Variants in SORL1 observed in about 807,000 individuals in gnomAD.
The protein encoded by SORL1 is sortilin-related receptor.
A neutral mutation model predicts 273.7 loss-of-function variants in SORL1; 127 were observed. The ratio of observed to expected loss-of-function variants is 0.46; its 90% CI spans 0.40 to 0.54. The LOEUF (loss-of-function observed/expected upper bound fraction) is 0.54. Ranked by LOEUF, SORL1 falls within the 20% of genes least tolerant of loss-of-function variation. The pLI, the probability that SORL1 is intolerant of heterozygous loss-of-function variation, is 0.00. For missense variants in SORL1, 2,494 were observed against 2,846.1 expected, an observed-to-expected ratio of 0.88 and a Z score of 2.81; for synonymous variants, 1,031 against 1,067.4, an observed-to-expected ratio of 0.97 and a Z score of 0.66.
rs139772085 is a variant in SORL1 at position 121,476,323 on chromosome 11, C to T, written c.403-1795C>T. 1.5e-3 allele frequency among the ~76,000 whole-genome samples: 234 copies of T among 152,276 alleles called. 3 individuals carry two copies. The highest frequency in any genetic ancestry group is 5.5e-3 in the African/African-American group (229 of 41,544). On this transcript the variant is annotated intron_variant, in intron 2 of 47. Transcript: ENST00000260197. ...TTCTGAAGCTGCTTTTGTGGCAGCT[C>T]CTTACTGTGTATCTGGTAGTTGGGA... is the stretch of plus-strand genomic sequence containing the variant.
intron 25 of SORL1, among the ~76,000 whole-genome samples, chr11:121,579,687 C>T (rs1388403244): frequency 2.0e-5 from 3 of 152,194 alleles, no homozygotes; most frequent in Admixed American, 6.5e-5. Context: ...GTATTTTAAA[C>T]ACTAAATATT....
In SORL1 at chr11:121,542,657, A is replaced by G. The variant is rs191526097; in HGVS notation, c.1686-891A>G. Among the ~76,000 whole-genome samples the G allele has an allele frequency of 3.9e-3, 592 of 152,036 alleles. 26 individuals carry two copies. Among genetic ancestry groups the G allele is most frequent in the Non-Finnish European group, 4.7e-4 (32 of 67,970 alleles). ...CTCTCTGATCATTCATTGTAAGATT[A>G]TGTTTTGTAAAATTTTATTTCCCCA... is the stretch of plus-strand genomic sequence containing the variant. On this transcript the variant is annotated intron_variant, in intron 12 of 47. Coordinates refer to ENST00000260197, the MANE Select transcript of SORL1 (RefSeq NM_003105.6).
rs1048515381 is a variant in SORL1 at position 121,631,646 on chromosome 11, A to G, written c.*2083A>G. The G allele has an allele frequency of 4.7e-4, 72 of 152,202 alleles. 1 individual carries two copies. Among genetic ancestry groups the G allele is most frequent in the African/African-American group, 1.6e-3 (68 of 41,446 alleles). The allele number at this position is 152,202 out of a possible 1,614,324, so 9.4% of individuals were successfully genotyped here. On this transcript the variant is annotated 3_prime_UTR_variant, in exon 48 of 48. Transcript: ENST00000260197. ...CCATAGGCAAGCCTTTTTACAGAGC[A>G]TATGTCTCCAGTTGGCAGCTTGAGA...
At position 121,520,712 on chromosome 11, in the gene SORL1, G is replaced by A. The variant is rs770541549; in HGVS notation, c.1267G>A (p.Val423Ile). 1 of 1,607,976 alleles carries A rather than the reference G, an allele frequency of 6.2e-7. No individual in the cohort carries two copies. Among genetic ancestry groups the A allele is most frequent in the South Asian group, 1.1e-5 (1 of 89,558 alleles). Residue 423 changes from valine (V) to isoleucine (I), a missense_variant, in exon 9 of 48, where the codon GTC (valine) becomes ATC (isoleucine). Transcript: ENST00000260197. ...CCACCGAGTGGAAGGATTGCAAGGA[G>A]TCTACATTGCTACTCTGATTAATGG... ...DFHRVEGLQG[V>I]YIATLINGSM...
In SORL1 at chr11:121,586,246, G is replaced by A; in HGVS notation, c.3731G>A (p.Cys1244Tyr). ...NCEKKCNGFR[C>Y]PNGTCIPSSK... ...GAGAAGAAGTGCAATGGATTCCGCT[G>A]CCCAAACGGCACTTGCATCCCATCC... The change falls in exon 27 of 48, where the codon TGC becomes TAC. Residue 1244 changes from cysteine to tyrosine, a missense_variant. Around this residue, in one of 3 missense-constraint regions of SORL1, gnomAD observed 1,609 missense variants for 1,816.4 expected, o/e 0.89. Transcript: ENST00000260197. 1 of 1,613,896 alleles carries A rather than the reference G, an allele frequency of 6.2e-7. No homozygotes were observed. Among genetic ancestry groups the A allele is most frequent in the East Asian group, 2.2e-5 (1 of 44,878 alleles).
intron 8 of SORL1, among the ~76,000 whole-genome samples, chr11:121,519,628 C>G (rs763997076): frequency 2.6e-4 from 40 of 152,108 alleles, no homozygotes; most frequent in Non-Finnish European, 4.7e-4. Context: ...GACAGAAAAC[C>G]CTGTGGGCTT....
At chr11:121,453,605 T>G (rs1860849856) in intron 1 of SORL1, among the ~76,000 whole-genome samples, 2 of 152,204 alleles carry the variant, frequency 1.3e-5, no homozygotes, top group South Asian at 2.1e-4. Context: ...GAAGTAGAAA[T>G]TATTAATAAA....
At position 121,574,484 on chromosome 11, in the gene SORL1, G is replaced by A. The variant is rs1347642316; in HGVS notation, c.3460+121G>A. 3.5e-6 allele frequency: 3 copies of A among 868,350 alleles called. No individual in the cohort carries two copies. The African/African-American group carries it at 5.1e-5, about 15-fold the overall frequency. The allele number at this position is 868,350 out of a possible 1,614,324, so 53.8% of individuals were successfully genotyped here. ...CCGTCTCAGGATTTATGATATTCTA[G>A]CTGAATGGCTTTCTCCATCCACATG... On this transcript the variant is annotated intron_variant, in intron 24 of 47. Coordinates refer to ENST00000260197, the MANE Select transcript of SORL1 (RefSeq NM_003105.6).
rs368150246 is a variant in SORL1, at chr11:121,590,186, C to T, written c.4213+12C>T. On this transcript the variant is annotated intron_variant, in intron 30 of 47. Transcript: ENST00000260197. ...GAAGGATTGTGGAGGTAAGAGGCCC[C>T]TGGGGCCTGGGTTAGCCCCATAACC... 8.9e-5 allele frequency: 143 copies of T among 1,613,456 alleles called. No homozygotes were observed. In the East Asian group the frequency reaches 2.9e-3, roughly 33 times the overall value.
chr11:121,458,281 G>A (rs1860939309), intron 1 of SORL1, among the ~76,000 whole-genome samples: 1 of 152,164 alleles, frequency 6.6e-6, no homozygotes, highest in Admixed American at 6.5e-5. Flanking sequence ...TGTATTCAGG[G>A]AAAGGCAGTT....
At chr11:121,619,583 G>T (rs117345987) in intron 42 of SORL1, among the ~76,000 whole-genome samples, 170 bp from the exon 43 acceptor site, 2,745 of 152,220 alleles carry the variant, frequency 0.018, 48 homozygotes, top group Middle Eastern at 0.041. Context: ...CTTACCAGTG[G>T]TACCTCTTGG....
intron 21 of SORL1, among the ~76,000 whole-genome samples, chr11:121,566,279 TC>T (rs1308832724): frequency 6.6e-6 from 1 of 152,082 alleles, no homozygotes; most frequent in East Asian, 1.9e-4. Context: ...AAAAAATTAT[TC>T]GGAATTTTGA....
intron 21 of SORL1, among the ~76,000 whole-genome samples, chr11:121,559,869 G>A (rs1565336575): frequency 2.0e-5 from 3 of 152,214 alleles, no homozygotes; most frequent in Admixed American, 1.3e-4. Context: ...CCTGCCTAGA[G>A]TGTTGGTGCT....
At chr11:121,497,170 T>C (rs1252857836) in intron 6 of SORL1, 121 bp downstream of exon 6, 2 of 810,654 alleles carry the variant, frequency 2.5e-6, no homozygotes, top group African/African-American at 3.5e-5. Context: ...TGGGACAGAT[T>C]GACTGAAGGG....
intron 32 of SORL1, among the ~76,000 whole-genome samples, chr11:121,597,494 G>A (rs1453419294): frequency 6.8e-6 from 1 of 147,634 alleles, no homozygotes; most frequent in Non-Finnish European, 1.5e-5. Flanking sequence ...ATCTCGCTCT[G>A]TTGCCCAGGC....
chr11:121,614,833 C>A, intron 40 of SORL1, 38 bp from the exon 41 acceptor site: 1 of 1,580,564 alleles, frequency 6.3e-7, no homozygotes, highest in South Asian at 1.1e-5. Context: ...CTAACACCCC[C>A]AACTTCCTCC....
intron 8 of SORL1, among the ~76,000 whole-genome samples, chr11:121,520,054 C>A (rs1173938188): frequency 6.6e-6 from 1 of 152,142 alleles, no homozygotes; most frequent in Non-Finnish European, 1.5e-5. Context: ...AGTTCAAGAC[C>A]AGCCTCGGCA....
intron 14 of SORL1, 81 bp downstream of exon 14, chr11:121,545,510 C>CCTTT: frequency 7.5e-6 from 10 of 1,328,134 alleles, no homozygotes; most frequent in Non-Finnish European, 1.1e-5. Context: ...AGGCATGGTC[C>CCTTT]CTTTCCCTGA....
chr11:121,536,302 T>C (rs974244521), intron 12 of SORL1, among the ~76,000 whole-genome samples: 2 of 152,158 alleles, frequency 1.3e-5, no homozygotes, highest in Non-Finnish European at 2.9e-5. Flanking sequence ...CAGTGGTTAA[T>C]GTCTTCACTT....
Sources: gnomAD v4.1 joint callset for allele counts (sites outside exome capture counted in the v4.1 genomes callset) on GRCh38, gnomAD v4.1.1 for gene constraint, gnomAD v4.1.1 regional missense constraint, MANE v1.5 for transcripts, NCBI Gene and HGNC (gene_info 2026-07-23, HGNC 2026-07-21) for gene names.